ZYX: variants seen among roughly 807,000 people sequenced by gnomAD.
ZYX encodes the protein zyxin.
In ZYX, 37 loss-of-function variants were observed where a neutral mutation model predicts 58.1. That is an observed-to-expected ratio of 0.64 (90% CI 0.49 to 0.84). The LOEUF (loss-of-function observed/expected upper bound fraction) is 0.84. Among genes scored for constraint, ZYX ranks in the 40% least tolerant of loss-of-function variants. The pLI is 0.00. For missense variants in ZYX, 762 were observed against 761.6 expected, an observed-to-expected ratio of 1.00 and a Z score of -0.01; for synonymous variants, 324 against 321.1, an observed-to-expected ratio of 1.01 and a Z score of -0.10.
chr7:143,388,763 T>G lies in ZYX; in HGVS notation c.1315-4T>G. The stretch of plus-strand genomic sequence containing the variant: ...CTGCCAACCTCCTCCTGCTGCCTCC[T>G]CAGGACACCCTGGAGAAGTGTAACA... On this transcript the variant is annotated splice_region_variant and splice_polypyrimidine_tract_variant and intron_variant, in intron 7 of 9. Coordinates refer to ENST00000322764, the MANE Select transcript of ZYX (RefSeq NM_003461.5). This position sits in a 1 kb window ranked among gnomAD's most constrained non-coding sequence, Gnocchi z 7.5. 6.2e-7 allele frequency: 1 copy of G among 1,612,820 alleles called. No individual in the cohort carries two copies.
At position 143,382,884 on chromosome 7, in the gene ZYX, A is replaced by G. The variant is rs748318076; in HGVS notation, c.585A>G (p.Ala195=). 1.4e-5 allele frequency: 22 copies of G among 1,613,320 alleles called. No individual in the cohort carries two copies. The highest frequency in any genetic ancestry group is 1.7e-5 in the Non-Finnish European group (20 of 1,179,780). The change falls in exon 5 of 10, where the codon GCA becomes GCG. Residue 195 remains alanine (A), a synonymous_variant. Coordinates refer to ENST00000322764, the MANE Select transcript of ZYX (RefSeq NM_003461.5). Reference sequence around the variant, plus strand: ...CCAAGCCTGCAGCCGGGGGCACAGCACCCCTGCCTCCTTGGAAGTCCCCTT... The same window carrying G: ...CCAAGCCTGCAGCCGGGGGCACAGCGCCCCTGCCTCCTTGGAAGTCCCCTT... ...SSTKPAAGGT[A]PLPPWKSPSS... is the part of the protein sequence containing the mutation.
Position 143,387,744 on chromosome 7 carries a change from G to T in ZYX, c.1024-475G>T. 2.1e-6 allele frequency: 1 copy of T among 471,650 alleles called. No homozygotes were observed. The highest frequency in any genetic ancestry group is 1.5e-5 in the South Asian group (1 of 64,582). The allele number at this position is 471,650 out of a possible 1,614,324, so 29.2% of individuals were successfully genotyped here. ...TTAACCTGCAATTCCTGCCTGTGTT[G>T]TATCCTCACGCTGACAGGGGCTGCT... is the stretch of plus-strand genomic sequence containing the variant. On this transcript the variant is annotated intron_variant, in intron 5 of 9. Coordinates refer to ENST00000322764, the MANE Select transcript of ZYX (RefSeq NM_003461.5). This position sits in a 1 kb window ranked among gnomAD's most constrained non-coding sequence, Gnocchi z 5.8.
intron 5 of ZYX, among the ~76,000 whole-genome samples, chr7:143,386,106 G>T (rs1423857240): frequency 1.3e-5 from 2 of 151,876 alleles, no homozygotes; most frequent in Non-Finnish European, 2.9e-5. Context: ...GTATGTGTGA[G>T]GGTGTGTGTG....
Position 143,382,669 on chromosome 7 carries a change from A to T in ZYX, c.485A>T (p.Asp162Val). 2 of 1,614,024 alleles carry T rather than the reference A, an allele frequency of 1.2e-6. No homozygotes were observed. Among genetic ancestry groups the T allele is most frequent in the Non-Finnish European group, 1.7e-6 (2 of 1,179,972 alleles). ...CTGCTGGATGACATGACCAAGAATG[A>T]TCCTTTCAAAGCCCGGGTAAGGGAC... ...SSLLDDMTKN[D>V]PFKARVSSGY... The change falls in exon 4 of 10, where the codon GAT (aspartate) becomes GTT (valine). Residue 162 changes from aspartate (D) to valine (V), a missense_variant. Transcript: ENST00000322764.
rs1804848381 is a variant in ZYX at position 143,385,951 on chromosome 7, G to C, written c.1024-2268G>C. Among the ~76,000 whole-genome samples, 3 of 151,166 alleles carry C rather than the reference G, an allele frequency of 2.0e-5. No homozygotes were observed. In the South Asian group the frequency reaches 6.3e-4, roughly 32 times the overall value. On this transcript the variant is annotated intron_variant, in intron 5 of 9. Coordinates refer to ENST00000322764, the MANE Select transcript of ZYX (RefSeq NM_003461.5). ...TGAGCCACCGCGCCTGGCCTGGTGT[G>C]GTATTATCTGAATGTGAGTGGTGTG...
Position 143,387,663 on chromosome 7 carries a change from G to A in ZYX, c.1024-556G>A, listed in dbSNP as rs1456331909. ...GGTAGTTCAGAGGCCCCTCACTCGAGGGACAGGGTCTCTGTGTGGGGGTGG... is the reference window on the plus strand; with the variant it reads ...GGTAGTTCAGAGGCCCCTCACTCGAAGGACAGGGTCTCTGTGTGGGGGTGG... On this transcript the variant is annotated intron_variant, in intron 5 of 9. Coordinates refer to ENST00000322764, the MANE Select transcript of ZYX (RefSeq NM_003461.5). The surrounding 1 kb of genome is among the most constrained non-coding windows in gnomAD (Gnocchi z 5.8). 2.1e-6 allele frequency: 1 copy of A among 470,096 alleles called. No individual in the cohort carries two copies. The highest frequency in any genetic ancestry group is 2.4e-5 in the Admixed American group (1 of 42,540). 29.1% of individuals were successfully genotyped at this position (470,096 alleles called of 1,614,324 possible).
rs1805058276 is a variant in ZYX, at chr7:143,391,015, C to T, written c.*333C>T. ...CCGAGCAGCCTTTGTACTCTGCTTG[C>T]GGAGGGCTGGGAGACCCTCCAGGAC... On this transcript the variant is annotated 3_prime_UTR_variant, in exon 10 of 10. Coordinates refer to ENST00000322764, the MANE Select transcript of ZYX (RefSeq NM_003461.5). 1.5e-5 allele frequency: 5 copies of T among 339,874 alleles called. No individual in the cohort carries two copies. The highest frequency in any genetic ancestry group is 6.4e-5 in the East Asian group (1 of 15,660). 21.1% of individuals were successfully genotyped at this position (339,874 alleles called of 1,614,324 possible).
chr7:143,386,675 A>C (rs1804877402), intron 5 of ZYX, among the ~76,000 whole-genome samples: 1 of 141,468 alleles, frequency 7.1e-6, no homozygotes, highest in African/African-American at 2.5e-5. Flanking sequence ...TCATGGGACC[A>C]GGCTGGGGCA....
In ZYX at chr7:143,387,638, G is replaced by A; in HGVS notation, c.1024-581G>A. 2 of 465,708 alleles carry A rather than the reference G, an allele frequency of 4.3e-6. No homozygotes were observed. The highest frequency in any genetic ancestry group is 8.9e-6 in the Non-Finnish European group (2 of 223,822). 28.8% of individuals were successfully genotyped at this position (465,708 alleles called of 1,614,324 possible). ...GGCTGCTGGGGAGGGACCTGAGTGA[G>A]GTAGTTCAGAGGCCCCTCACTCGAG... On this transcript the variant is annotated intron_variant, in intron 5 of 9. Coordinates refer to ENST00000322764, the MANE Select transcript of ZYX (RefSeq NM_003461.5). This position sits in a 1 kb window ranked among gnomAD's most constrained non-coding sequence, Gnocchi z 5.8.
In ZYX at chr7:143,383,342, C is replaced by T; in HGVS notation, c.1023+20C>T. The stretch of plus-strand genomic sequence containing the variant: ...AACCAGGTGAGGGATGGTGATAGGA[C>T]AAGGCTTGGTACCAGGGCACTGGGG... On this transcript the variant is annotated intron_variant, in intron 5 of 9. Coordinates refer to ENST00000322764, the MANE Select transcript of ZYX (RefSeq NM_003461.5). 6.3e-7 allele frequency: 1 copy of T among 1,578,500 alleles called. No individual in the cohort carries two copies. The highest frequency in any genetic ancestry group is 8.6e-7 in the Non-Finnish European group (1 of 1,164,770).
chr7:143,381,367 C>T lies in ZYX; in HGVS notation c.-58C>T, dbSNP rs1219361781. The T allele has an allele frequency of 3.4e-6, 4 of 1,163,514 alleles. No individual in the cohort carries two copies. Among genetic ancestry groups the T allele is most frequent in the African/African-American group, 1.6e-5 (1 of 61,608 alleles). 72.1% of individuals were successfully genotyped at this position (1,163,514 alleles called of 1,614,324 possible). A position where few individuals can be genotyped will look rare whatever the true frequency, so the allele number is the denominator to read the frequency against. On this transcript the variant is annotated 5_prime_UTR_variant, in exon 1 of 10. Transcript: ENST00000322764. ...GACGCAGAGTCTGCGGACCCGGCGCCGAGGCGGCCACCCGAGACGCGGCGC... is the reference window on the plus strand; with the variant it reads ...GACGCAGAGTCTGCGGACCCGGCGCTGAGGCGGCCACCCGAGACGCGGCGC...
At chr7:143,386,632 G>A (rs146372757) in intron 5 of ZYX, among the ~76,000 whole-genome samples, 3 of 152,222 alleles carry the variant, frequency 2.0e-5, no homozygotes, top group Non-Finnish European at 4.4e-5. Context: ...GCAGGTGCCC[G>A]GAGGGACAGT....
chr7:143,381,709 T>A lies in ZYX; in HGVS notation c.138T>A (p.Pro46=). 6.2e-7 allele frequency: 1 copy of A among 1,602,532 alleles called. No individual in the cohort carries two copies. The highest frequency in any genetic ancestry group is 1.7e-5 in the Admixed American group (1 of 59,304). ...CCTTCCGGCCCGGGGACAGCGAGCC[T>A]CCCCCGGCACCCGGGGCCCAGCGCG... The part of the protein sequence containing the change: ...VNPFRPGDSE[P]PPAPGAQRAQ... The change falls in exon 2 of 10, where the codon CCT becomes CCA. Residue 46 remains proline (P), a synonymous_variant. Transcript: ENST00000322764.
At chr7:143,385,374 G>A (rs1233732905) in intron 5 of ZYX, among the ~76,000 whole-genome samples, 4 of 151,636 alleles carry the variant, frequency 2.6e-5, no homozygotes, top group African/African-American at 9.7e-5. Context: ...GTGTGTGTGT[G>A]TTAGTGTGTG....
chr7:143,386,393 G>A (rs908939200), intron 5 of ZYX, among the ~76,000 whole-genome samples: 5 of 152,176 alleles, frequency 3.3e-5, no homozygotes, highest in South Asian at 2.1e-4. Flanking sequence ...GTGAGGTCAC[G>A]GTGCGAGCAA....
At position 143,385,660 on chromosome 7, in the gene ZYX, CTTTTTTTTTTTTTTTT is replaced by C. The variant is rs59995035; in HGVS notation, c.1023+2349_1023+2364del. ...TGTGTGAGCGTGTGGTGTGGTATAT[CTTTTTTTTTTTTTTTT>C]TTTTTTTTTTGGAGACGGAGTGCAG... On this transcript the variant is annotated intron_variant, in intron 5 of 9. Coordinates refer to ENST00000322764, the MANE Select transcript of ZYX (RefSeq NM_003461.5). 4.6e-4 allele frequency among the ~76,000 whole-genome samples: 32 copies of C among 68,972 alleles called. 1 individual carries two copies. The Admixed American group carries it at 6.7e-3, about 14-fold the overall frequency. The allele number at this position is 68,972 out of a possible 152,430, so 45.2% of individuals were successfully genotyped here.
chr7:143,385,597 TACAC>T (rs976359142), intron 5 of ZYX, among the ~76,000 whole-genome samples: 7 of 148,324 alleles, frequency 4.7e-5, no homozygotes, highest in Middle Eastern at 3.4e-3. Flanking sequence ...TTCTTACAAA[TACAC>T]ACAAGTGGCG....
At position 143,389,315 on chromosome 7, in the gene ZYX, G is replaced by C. The variant is rs1298683771; in HGVS notation, c.1493+370G>C. On this transcript the variant is annotated intron_variant, in intron 8 of 9. Coordinates refer to ENST00000322764, the MANE Select transcript of ZYX (RefSeq NM_003461.5). The surrounding 1 kb of genome is among the most constrained non-coding windows in gnomAD (Gnocchi z 5.6). ...TCTCCCCAGAAATAGTGTTTAGAAG[G>C]TGGCTACTTTTTCAGGCTGACCCGC... Among the ~76,000 whole-genome samples the C allele has an allele frequency of 6.6e-6, 1 of 152,234 alleles. No homozygotes were observed. The highest frequency in any genetic ancestry group is 1.5e-5 in the Non-Finnish European group (1 of 68,048).
In ZYX at chr7:143,384,085, T is replaced by C. The variant is rs568972889; in HGVS notation, c.1023+763T>C. On this transcript the variant is annotated intron_variant, in intron 5 of 9. Transcript: ENST00000322764. This position sits in a 1 kb window ranked among gnomAD's most constrained non-coding sequence, Gnocchi z 4.9. ...TGTAATTACAAAATGGTTCTTGCCT[T>C]CTAGTTCAGGAAATAAGATCGTCCA... The C allele has an allele frequency of 9.3e-5, 41 of 441,216 alleles. No individual in the cohort carries two copies. In the East Asian group the frequency reaches 2.9e-3, roughly 31 times the overall value. 27.3% of individuals were successfully genotyped at this position (441,216 alleles called of 1,614,324 possible). A position where few individuals can be genotyped will look rare whatever the true frequency, so the allele number is the denominator to read the frequency against.
Sources: gnomAD v4.1 joint callset for allele counts (sites outside exome capture counted in the v4.1 genomes callset) on GRCh38, gnomAD v4.1.1 for gene constraint, Gnocchi (gnomAD v3.1) non-coding constraint, MANE v1.5 for transcripts, NCBI Gene and HGNC (gene_info 2026-07-23, HGNC 2026-07-21) for gene names.